The following AUH variants were observed in gnomAD, a reference collection of about 807,000 sequenced individuals.
The protein encoded by AUH is AU RNA binding methylglutaconyl-CoA hydratase.
Under a neutral mutation model 42.3 loss-of-function variants are expected in AUH, and 29 were observed. The observed-to-expected ratio is 0.69, with a 90% CI of 0.51 to 0.93. The LOEUF (loss-of-function observed/expected upper bound fraction) is 0.93, where lower values mean the gene tolerates loss of function less well. AUH is among the 40% of genes least tolerant of loss of function. The probability of loss-of-function intolerance (pLI) is 0.00; values close to 1 mark genes in which losing one functional copy is unlikely to be tolerated. For missense variants in AUH, 452 were observed against 438.1 expected (o/e 1.03, Z -0.28); for synonymous variants, 174 against 166.4 (o/e 1.05, Z -0.35).
chr9:91,356,165 G>A lies in AUH; in HGVS notation c.263-10C>T, dbSNP rs774329265. On this transcript the variant is annotated splice_polypyrimidine_tract_variant and intron_variant, in intron 1 of 9. Coordinates refer to ENST00000375731, the MANE Select transcript of AUH (RefSeq NM_001698.3). ...CCAAGCACCACAATTCCTAGTTAAA[G>A]GGGAAAAAAAGTACAAGCACTTGAG... 8 of 1,612,500 alleles carry A rather than the reference G, an allele frequency of 5.0e-6. No individual in the cohort carries two copies. In the East Asian group the frequency reaches 1.6e-4, roughly 31 times the overall value.
intron 3 of AUH, among the ~76,000 whole-genome samples, chr9:91,332,361 G>GTA (rs1164987864): frequency 2.0e-5 from 3 of 152,138 alleles, no homozygotes; most frequent in Admixed American, 2.0e-4. Flanking sequence ...AATTAGCCAG[G>GTA]AGTGGTGGCG....
At chr9:91,261,030 G>GT (rs966310945) in intron 6 of AUH, among the ~76,000 whole-genome samples, 1 of 151,978 alleles carries the variant, frequency 6.6e-6, no homozygotes, top group Admixed American at 6.6e-5. Flanking sequence ...TCTCTTATTA[G>GT]TTTTTTTCTT....
intron 3 of AUH, among the ~76,000 whole-genome samples, chr9:91,355,195 A>G (rs1331456409): frequency 6.6e-6 from 1 of 152,224 alleles, no homozygotes; most frequent in Non-Finnish European, 1.5e-5. Context: ...TAAATATCAC[A>G]CTATTCTGCA....
At chr9:91,272,286 A>G (rs12238387) in intron 6 of AUH, among the ~76,000 whole-genome samples, 11,353 of 152,224 alleles carry the variant, frequency 0.075, 689 homozygotes, top group East Asian at 0.26. Flanking sequence ...ACTTCATCCC[A>G]CAATAATTGC....
intron 6 of AUH, among the ~76,000 whole-genome samples, chr9:91,287,510 T>A (rs1221640393): frequency 1.3e-5 from 2 of 152,152 alleles, no homozygotes; most frequent in Non-Finnish European, 2.9e-5. Flanking sequence ...TTTTGTTAAC[T>A]GTGGTACAGT....
intron 6 of AUH, among the ~76,000 whole-genome samples, chr9:91,233,360 G>A (rs1039531562): frequency 1.3e-5 from 2 of 152,146 alleles, no homozygotes; most frequent in African/African-American, 2.4e-5. Context: ...GGAGCACAAG[G>A]AGGTCCAGTG....
At chr9:91,358,675 G>C (rs1224665542) in intron 1 of AUH, among the ~76,000 whole-genome samples, 1 of 152,178 alleles carries the variant, frequency 6.6e-6, no homozygotes, top group Non-Finnish European at 1.5e-5. Flanking sequence ...ATTTCTGCTA[G>C]ATATGATAAT....
In AUH at chr9:91,213,930, C is replaced by G. The variant is rs562628665; in HGVS notation, c.*418G>C. ...TGTAGCTGTTCGTATGCATTAATCACTTAGAAACTTTATTTGGTATAACTT... is the reference window on the plus strand; with the variant it reads ...TGTAGCTGTTCGTATGCATTAATCAGTTAGAAACTTTATTTGGTATAACTT... On this transcript the variant is annotated 3_prime_UTR_variant, in exon 10 of 10. Transcript: ENST00000375731. 1.4e-4 allele frequency: 24 copies of G among 167,826 alleles called. No individual in the cohort carries two copies. The highest frequency in any genetic ancestry group is 3.0e-4 in the Non-Finnish European group (23 of 76,748). The allele number at this position is 167,826 out of a possible 1,614,324, so 10.4% of individuals were successfully genotyped here. A position where few individuals can be genotyped will look rare whatever the true frequency, so the allele number is the denominator to read the frequency against.
intron 4 of AUH, among the ~76,000 whole-genome samples, chr9:91,324,706 TA>T (rs1829849317): frequency 1.3e-5 from 2 of 151,354 alleles, no homozygotes; most frequent in South Asian, 2.1e-4. Context: ...AGGAAACATA[TA>T]CTGTCTTTAA....
At chr9:91,270,563 C>T (rs1053060822) in intron 6 of AUH, among the ~76,000 whole-genome samples, 4 of 152,276 alleles carry the variant, frequency 2.6e-5, no homozygotes, top group Admixed American at 1.3e-4. Flanking sequence ...TATATTCACA[C>T]TGTTTTGGCT....
intron 5 of AUH, 22 bp from the exon 6 acceptor site, chr9:91,296,099 T>G (rs1827310185): frequency 6.2e-7 from 1 of 1,611,726 alleles, no homozygotes; most frequent in African/African-American, 1.3e-5. Flanking sequence ...GAAAGAAAAT[T>G]AAGTATCATC....
At chr9:91,240,747 G>A (rs1279333212) in intron 6 of AUH, among the ~76,000 whole-genome samples, 1 of 151,330 alleles carries the variant, frequency 6.6e-6, no homozygotes, top group Admixed American at 6.6e-5. Flanking sequence ...AGAGTCTCCT[G>A]CCACTGAGAG....
intron 4 of AUH, among the ~76,000 whole-genome samples, chr9:91,308,220 C>T (rs1031833084): frequency 6.6e-6 from 1 of 152,038 alleles, no homozygotes; most frequent in Admixed American, 6.6e-5. Context: ...AAAAGATTAG[C>T]CAGGCATGGT....
intron 6 of AUH, among the ~76,000 whole-genome samples, chr9:91,294,330 A>G (rs1370204456): frequency 1.3e-5 from 2 of 152,154 alleles, no homozygotes; most frequent in Non-Finnish European, 2.9e-5. Flanking sequence ...CAGGCAGATC[A>G]TGAGGTCAAG....
chr9:91,322,001 TCTATTAAGATA>T (rs1451120368), intron 4 of AUH, among the ~76,000 whole-genome samples: 1 of 152,202 alleles, frequency 6.6e-6, no homozygotes, highest in Non-Finnish European at 1.5e-5. Context: ...ATGAGTGGAT[TCTATTAAGATA>T]CTATTAAGAT....
chr9:91,266,276 C>T lies in AUH; in HGVS notation c.655+29745G>A, dbSNP rs376101405. Among the ~76,000 whole-genome samples, 3 of 151,990 alleles carry T rather than the reference C, an allele frequency of 2.0e-5. No homozygotes were observed. In the East Asian group the frequency reaches 5.8e-4, roughly 29 times the overall value. Reference sequence around the variant, plus strand: ...ACTTGGGAGGCTGAGGCAGGAGAATCGCTTGAACCTGGGAGGCAGAGGTTG... The same window carrying T: ...ACTTGGGAGGCTGAGGCAGGAGAATTGCTTGAACCTGGGAGGCAGAGGTTG... On this transcript the variant is annotated intron_variant, in intron 6 of 9. Transcript: ENST00000375731.
intron 6 of AUH, among the ~76,000 whole-genome samples, chr9:91,261,338 T>C (rs1829697667): frequency 6.6e-6 from 1 of 152,218 alleles, no homozygotes; most frequent in Admixed American, 6.5e-5. Context: ...AATTCTTTAT[T>C]TTAAGGATAG....
intron 3 of AUH, among the ~76,000 whole-genome samples, chr9:91,333,699 G>GTCA (rs1830496310): frequency 1.3e-5 from 2 of 152,188 alleles, no homozygotes; most frequent in South Asian, 4.1e-4. Context: ...CTACAGCAAT[G>GTCA]TCATTCCTTT....
chr9:91,246,089 CT>C (rs144544901), intron 6 of AUH, among the ~76,000 whole-genome samples: 9,183 of 152,266 alleles, frequency 0.06, 366 homozygotes, highest in East Asian at 0.18. Flanking sequence ...ATTTACAAAG[CT>C]GAATCATGGC....
Sources: gnomAD v4.1 joint callset for allele counts (sites outside exome capture counted in the v4.1 genomes callset) on GRCh38, gnomAD v4.1.1 for gene constraint, MANE v1.5 for transcripts, NCBI Gene and HGNC (gene_info 2026-07-23, HGNC 2026-07-21) for gene names.